HTR2A: variants seen among roughly 807,000 people sequenced by gnomAD.
HTR2A encodes 5-HT2 receptor.
In HTR2A, 14 loss-of-function variants were observed where a neutral mutation model predicts 31.0. That is an observed-to-expected ratio of 0.45 (90% confidence interval 0.30 to 0.71). HTR2A has a LOEUF of 0.71. Ranked by LOEUF, HTR2A falls within the 30% of genes least tolerant of loss-of-function variation. The pLI, the probability that HTR2A is intolerant of heterozygous loss-of-function variation, is 0.09. For synonymous variants in HTR2A, 209 were observed against 225.2 expected, an observed-to-expected ratio of 0.93 and a Z score of 0.64; for missense variants, 442 against 573.3, an observed-to-expected ratio of 0.77 and a Z score of 2.34.
At chr13:46,845,720 A>G (rs1365415462) in intron 3 of HTR2A, among the ~76,000 whole-genome samples, 1 of 151,994 alleles carries the variant, frequency 6.6e-6, no homozygotes, top group Admixed American at 6.6e-5. Flanking sequence ...AGGATCTTAC[A>G]GGGAAATATA....
chr13:46,863,630 G>GAAAAAAAA (rs59693757), intron 3 of HTR2A, among the ~76,000 whole-genome samples: 19 of 59,274 alleles, frequency 3.2e-4, no homozygotes, highest in South Asian at 8.5e-4. Context: ...CCCTCAAAAT[G>GAAAAAAAA]AAAAAAAAAA....
chr13:46,856,070 T>C (rs967316366), intron 3 of HTR2A: 7 of 152,238 alleles, frequency 4.6e-5, no homozygotes, highest in African/African-American at 1.7e-4. Flanking sequence ...GCTTCATCCC[T>C]GGTTATATGT....
chr13:46,840,340 C>T (rs1388686902), intron 3 of HTR2A, among the ~76,000 whole-genome samples: 1 of 151,930 alleles, frequency 6.6e-6, no homozygotes, highest in African/African-American at 2.4e-5. Context: ...GTTGACAAGG[C>T]AGATGTACAT....
chr13:46,877,581 AG>A (rs1950925177), intron 3 of HTR2A, among the ~76,000 whole-genome samples: 1 of 152,214 alleles, frequency 6.6e-6, no homozygotes, highest in African/African-American at 2.4e-5. Context: ...TTTTATATGC[AG>A]GTGTACCTGG....
chr13:46,844,683 T>C (rs1256993198), intron 3 of HTR2A, among the ~76,000 whole-genome samples: 1 of 152,160 alleles, frequency 6.6e-6, no homozygotes. Flanking sequence ...CAAGTATGTA[T>C]CAGCAAACTG....
intron 3 of HTR2A, among the ~76,000 whole-genome samples, chr13:46,877,479 A>G (rs1286060517): frequency 6.6e-6 from 1 of 152,194 alleles, no homozygotes; most frequent in African/African-American, 2.4e-5. Flanking sequence ...AAAGTACTAT[A>G]TGGGGAAAGC....
At chr13:46,865,048 C>T (rs1363910682) in intron 3 of HTR2A, among the ~76,000 whole-genome samples, 1 of 152,132 alleles carries the variant, frequency 6.6e-6, no homozygotes, top group African/African-American at 2.4e-5. Context: ...GTCCCTAAAA[C>T]CCGAGCAGAT....
chr13:46,842,888 C>T (rs1329301383), intron 3 of HTR2A, among the ~76,000 whole-genome samples: 2 of 152,156 alleles, frequency 1.3e-5, no homozygotes, highest in African/African-American at 4.8e-5. Context: ...AGCTTGCTTT[C>T]CCTTTCCATA....
intron 3 of HTR2A, among the ~76,000 whole-genome samples, chr13:46,874,288 C>T (rs773258725): frequency 1.4e-4 from 21 of 152,310 alleles, no homozygotes; most frequent in South Asian, 4.1e-4. Flanking sequence ...TGCTATACTT[C>T]GCCAAGTAAG....
At chr13:46,868,843 T>A (rs1950840906) in intron 3 of HTR2A, among the ~76,000 whole-genome samples, 1 of 152,176 alleles carries the variant, frequency 6.6e-6, no homozygotes, top group African/African-American at 2.4e-5. Context: ...GCACACAAAT[T>A]CAATATGTAT....
intron 3 of HTR2A, among the ~76,000 whole-genome samples, chr13:46,864,849 A>G (rs918789099): frequency 4.6e-5 from 7 of 152,166 alleles, no homozygotes; most frequent in South Asian, 2.1e-4. Flanking sequence ...CGTCTTTGCA[A>G]TCCCTCAGTG....
chr13:46,892,263 C>T, intron 3 of HTR2A, 127 bp downstream of exon 3: 1 of 857,254 alleles, frequency 1.2e-6, no homozygotes, highest in South Asian at 1.5e-5. Context: ...GATGTTGTAA[C>T]ATATCTTGCA....
intron 3 of HTR2A, among the ~76,000 whole-genome samples, chr13:46,881,020 C>T (rs1401146531): frequency 6.6e-6 from 1 of 152,204 alleles, no homozygotes; most frequent in Non-Finnish European, 1.5e-5. Flanking sequence ...TCAGCTGCCA[C>T]TCTGGCAGGC....
intron 3 of HTR2A, among the ~76,000 whole-genome samples, chr13:46,879,245 G>A (rs1175267991): frequency 6.6e-6 from 1 of 152,170 alleles, no homozygotes; most frequent in African/African-American, 2.4e-5. Flanking sequence ...AGGCAGAGAG[G>A]GATGAAGGAT....
intron 3 of HTR2A, among the ~76,000 whole-genome samples, chr13:46,836,917 T>C (rs1043921185): frequency 6.6e-6 from 1 of 152,232 alleles, no homozygotes; most frequent in South Asian, 2.1e-4. Flanking sequence ...AAGGTTGTTC[T>C]ATGTTTTTAG....
Position 46,895,561 on chromosome 13 carries a change from G to A in HTR2A, c.346C>T (p.Leu116Phe). The change falls in exon 2 of 4, where the codon CTT (leucine) becomes TTT (phenylalanine). Residue 116 changes from leucine to phenylalanine, a missense_variant. Physicochemically the swap from Leu to Phe is conservative, Grantham distance 22. Transcript: ENST00000542664. The surrounding 1 kb of genome is among the most constrained non-coding windows in gnomAD (Gnocchi z 4.4). Reference protein sequence around the residue: ...QNATNYFLMSLAIADMLLGFL... With the variant: ...QNATNYFLMSFAIADMLLGFL... Reference sequence around the variant, plus strand: ...CCCAGCAGCATATCAGCTATGGCAAGTGACATCAGGAAATAGTTGGTGGCA... The same window carrying A: ...CCCAGCAGCATATCAGCTATGGCAAATGACATCAGGAAATAGTTGGTGGCA... The A allele has an allele frequency of 6.2e-7, 1 of 1,614,148 alleles. No homozygotes were observed. The highest frequency in any genetic ancestry group is 8.5e-7 in the Non-Finnish European group (1 of 1,180,000).
At chr13:46,891,474 G>A (rs1234317254) in intron 3 of HTR2A, among the ~76,000 whole-genome samples, 1 of 152,202 alleles carries the variant, frequency 6.6e-6, no homozygotes, top group Non-Finnish European at 1.5e-5. Context: ...ACAAGATATA[G>A]TATTATTGTG....
intron 3 of HTR2A, among the ~76,000 whole-genome samples, chr13:46,869,037 A>G (rs771243820): frequency 6.6e-5 from 10 of 152,166 alleles, no homozygotes; most frequent in Non-Finnish European, 1.0e-4. Context: ...AAGTGATTGA[A>G]GTAGATACGT....
At position 46,896,864 on chromosome 13, in the gene HTR2A, G is replaced by C. The variant is rs1951109572; in HGVS notation, c.-519C>G. The C allele has an allele frequency of 1.3e-6, 2 of 1,532,890 alleles. No individual in the cohort carries two copies. Among genetic ancestry groups the C allele is most frequent in the South Asian group, 2.4e-5 (2 of 83,224 alleles). The allele number at this position is 1,532,890 out of a possible 1,614,324, so 95.0% of individuals were successfully genotyped here. On this transcript the variant is annotated 5_prime_UTR_variant, in exon 1 of 4. Transcript: ENST00000542664. ...AGCTGAGCCAGCTCCCGCACTGCTA[G>C]GATCCTGTTGGCTTCCTCTGGCACG...
Sources: allele counts gnomAD v4.1 joint callset (sites outside exome capture counted in the v4.1 genomes callset), GRCh38; gene constraint gnomAD v4.1.1; non-coding constraint Gnocchi (gnomAD v3.1); transcripts MANE v1.5; gene names NCBI Gene and HGNC (gene_info 2026-07-23, HGNC 2026-07-21).